Variants in CHRM2 observed in about 807,000 individuals in gnomAD.
CHRM2 encodes muscarinic acetylcholine receptor M2.
In CHRM2, 8 loss-of-function variants were observed where a neutral mutation model predicts 25.0. That is an observed-to-expected ratio of 0.32 (90% CI 0.19 to 0.58). The LOEUF is 0.58. Among genes scored for constraint, CHRM2 ranks in the 20% least tolerant of loss-of-function variants. CHRM2 has a pLI of 0.88. For missense variants in CHRM2, 440 were observed against 567.1 expected, an observed-to-expected ratio of 0.78 and a Z score of 2.28; for synonymous variants, 202 against 205.7, an observed-to-expected ratio of 0.98 and a Z score of 0.15.
chr7:137,006,160 T>TCCTCTTTTTCTGCACCCTGTACA (rs1482275339), intron 3 of CHRM2, among the ~76,000 whole-genome samples: 1 of 152,146 alleles, frequency 6.6e-6, no homozygotes, highest in Non-Finnish European at 1.5e-5. Context: ...CAGAAAAAGG[T>TCCTCTTTTTCTGCACCCTGTACA]GGATGCAGAA....
chr7:137,005,346 T>C (rs989091630), intron 3 of CHRM2, among the ~76,000 whole-genome samples: 57 of 152,244 alleles, frequency 3.7e-4, no homozygotes, highest in Middle Eastern at 3.4e-3. Context: ...AAAATAAATA[T>C]ATATTCCTAA....
intron 2 of CHRM2, among the ~76,000 whole-genome samples, chr7:136,910,777 T>C (rs1486690894): frequency 1.3e-5 from 2 of 150,190 alleles, no homozygotes; most frequent in African/African-American, 4.9e-5. Flanking sequence ...ATTCTTGGGG[T>C]TTGGTGTGGT....
intron 2 of CHRM2, among the ~76,000 whole-genome samples, chr7:136,896,158 G>A (rs535040544): frequency 6.6e-6 from 1 of 152,184 alleles, no homozygotes; most frequent in African/African-American, 2.4e-5. Flanking sequence ...TTCAGAGAGA[G>A]CATCCCATTC....
At chr7:136,929,170 C>T (rs1474953780) in intron 2 of CHRM2, among the ~76,000 whole-genome samples, 1 of 151,970 alleles carries the variant, frequency 6.6e-6, no homozygotes, top group Non-Finnish European at 1.5e-5. Context: ...GAAGCAGTTT[C>T]AAATTTACTA....
rs1436637764 is a variant in CHRM2 at position 136,894,560 on chromosome 7, C to T, written c.-125+25142C>T. Among the ~76,000 whole-genome samples the T allele has an allele frequency of 5.3e-5, 8 of 152,034 alleles. 2 individuals are homozygous for T. Among genetic ancestry groups the T allele is most frequent in the Admixed American group, 2.0e-4 (3 of 15,270 alleles). ...CTAATTTTTGTATTTTTAGTGGAGACGGGGTTTCGCCATGTTGGCCAGGCT... is the reference window on the plus strand; with the variant it reads ...CTAATTTTTGTATTTTTAGTGGAGATGGGGTTTCGCCATGTTGGCCAGGCT... On this transcript the variant is annotated intron_variant, in intron 2 of 3. Transcript: ENST00000680005.
At chr7:137,014,605 G>C (rs967474740) in intron 3 of CHRM2, among the ~76,000 whole-genome samples, 1 of 151,920 alleles carries the variant, frequency 6.6e-6, no homozygotes, top group African/African-American at 2.4e-5. Context: ...AACATTACTG[G>C]ACTTCAAGTT....
At chr7:136,949,766 G>A (rs569178477) in intron 2 of CHRM2, among the ~76,000 whole-genome samples, 14 of 149,706 alleles carry the variant, frequency 9.4e-5, no homozygotes, top group Non-Finnish European at 1.6e-4. Context: ...TGGAGACAGA[G>A]TCTTGCTGTG....
intron 2 of CHRM2, chr7:136,898,799 CTA>C (rs1269383510): frequency 1.3e-5 from 2 of 151,974 alleles, no homozygotes; most frequent in African/African-American, 2.4e-5. Context: ...AAAATAAACA[CTA>C]TTTTTTATTT....
intron 2 of CHRM2, among the ~76,000 whole-genome samples, chr7:136,956,649 T>C (rs570653407): frequency 6.6e-6 from 1 of 152,288 alleles, no homozygotes; most frequent in African/African-American, 2.4e-5. Flanking sequence ...TGTTAGAGCA[T>C]TCAAATGTTA....
intron 2 of CHRM2, among the ~76,000 whole-genome samples, chr7:136,981,855 G>A (rs1413376798): frequency 6.6e-6 from 1 of 152,146 alleles, no homozygotes; most frequent in Admixed American, 6.5e-5. Context: ...GCTGAGGAGT[G>A]TTTTACTTCC....
intron 3 of CHRM2, among the ~76,000 whole-genome samples, chr7:137,000,463 G>A (rs569119971): frequency 3.4e-4 from 51 of 150,214 alleles, no homozygotes; most frequent in African/African-American, 1.2e-3. Flanking sequence ...GCCTCCCAAA[G>A]TGCTGGGATT....
intron 3 of CHRM2, among the ~76,000 whole-genome samples, chr7:137,012,659 A>G (rs116489862): frequency 0.018 from 2,766 of 152,088 alleles, 98 homozygotes; most frequent in African/African-American, 0.063. Flanking sequence ...GTATTCCATA[A>G]TATATTTAAC....
At chr7:136,939,877 A>T (rs1170090285) in intron 2 of CHRM2, among the ~76,000 whole-genome samples, 1 of 152,236 alleles carries the variant, frequency 6.6e-6, no homozygotes, top group African/African-American at 2.4e-5. Flanking sequence ...ATTCATTGCC[A>T]GTTAAACAAT....
At chr7:136,913,625 AT>A (rs956244948) in intron 2 of CHRM2, among the ~76,000 whole-genome samples, 10 of 151,912 alleles carry the variant, frequency 6.6e-5, no homozygotes, top group African/African-American at 2.2e-4. Flanking sequence ...AAACCTAGTA[AT>A]TTTTTTTGAG....
chr7:136,967,233 A>G lies in CHRM2; in HGVS notation c.-124-24954A>G, dbSNP rs970758831. ...AGCTCAAACCTGATTGAGCAATTTT[A>G]TCCAGAGAAGATTAATTAGTTACTT... On this transcript the variant is annotated intron_variant, in intron 2 of 3. Transcript: ENST00000680005. Among the ~76,000 whole-genome samples the G allele has an allele frequency of 4.6e-5, 7 of 152,024 alleles. 1 individual carries two copies. Among genetic ancestry groups the G allele is most frequent in the African/African-American group, 1.7e-4 (7 of 41,440 alleles).
chr7:136,889,428 G>A (rs1001590458), intron 2 of CHRM2, among the ~76,000 whole-genome samples: 2 of 152,092 alleles, frequency 1.3e-5, no homozygotes, highest in Non-Finnish European at 2.9e-5. Flanking sequence ...GGTGAGGTGG[G>A]CATTATTACT....
intron 2 of CHRM2, chr7:136,871,560 T>C (rs1460374778): frequency 6.5e-6 from 1 of 152,766 alleles, no homozygotes; most frequent in Non-Finnish European, 1.5e-5. Flanking sequence ...TTGCACTTTG[T>C]GAGCAATCGG....
At chr7:136,891,398 A>G (rs1468574080) in intron 2 of CHRM2, among the ~76,000 whole-genome samples, 1 of 152,102 alleles carries the variant, frequency 6.6e-6, no homozygotes, top group Admixed American at 6.6e-5. Flanking sequence ...AATATTCTTA[A>G]CTGTTGGTTT....
At chr7:137,002,124 TG>T (rs1804077497) in intron 3 of CHRM2, among the ~76,000 whole-genome samples, 1 of 152,204 alleles carries the variant, frequency 6.6e-6, no homozygotes, top group Non-Finnish European at 1.5e-5. Context: ...GAATGCTTTC[TG>T]GTTTTTTGTT....
Sources: gnomAD v4.1 joint callset for allele counts (sites outside exome capture counted in the v4.1 genomes callset) on GRCh38, gnomAD v4.1.1 for gene constraint, MANE v1.5 for transcripts, NCBI Gene and HGNC (gene_info 2026-07-23, HGNC 2026-07-21) for gene names.